DDB2: variants seen among roughly 807,000 people sequenced by gnomAD.
DDB2 encodes DNA damage-binding protein 2.
DDB2 carries 27 observed loss-of-function variants against 50.5 expected under a neutral mutation model. The ratio of observed to expected loss-of-function variants is 0.53; its 90% CI spans 0.39 to 0.74. DDB2 has a LOEUF of 0.74. DDB2 is among the 30% of genes least tolerant of loss of function. The probability of loss-of-function intolerance (pLI) is 0.00; values close to 1 mark genes in which losing one functional copy is unlikely to be tolerated. For synonymous variants in DDB2, 176 were observed against 205.5 expected (o/e 0.86, Z 1.23); for missense variants, 424 against 545.6 (o/e 0.78, Z 2.22).
At chr11:47,216,296 G>A (rs1465994999) in intron 1 of DDB2, 40 bp from the exon 2 acceptor site, 4 of 1,614,086 alleles carry the variant, frequency 2.5e-6, no homozygotes, top group Non-Finnish European at 3.4e-6. Flanking sequence ...AAAACCTTTC[G>A]TGAGATTGGA....
chr11:47,216,609 C>T (rs895786891), intron 2 of DDB2, 137 bp downstream of exon 2: 28 of 1,321,818 alleles, frequency 2.1e-5, no homozygotes, highest in Non-Finnish European at 2.9e-5. Context: ...GACTGGCCTA[C>T]TGGGCACTCA....
intron 3 of DDB2, 49 bp from the exon 4 acceptor site, chr11:47,232,765 C>G: frequency 6.2e-7 from 1 of 1,607,146 alleles, no homozygotes. Context: ...CCTGGTTCCT[C>G]ACGGCCAGGC....
Position 47,216,887 on chromosome 11 carries a change from G to A in DDB2, c.294G>A (p.Leu98=). 6.2e-7 allele frequency: 1 copy of A among 1,614,038 alleles called. No homozygotes were observed. The highest frequency in any genetic ancestry group is 8.5e-7 in the Non-Finnish European group (1 of 1,180,002). Residue 98 remains leucine (L), a synonymous_variant, in exon 3 of 10, where the codon CTG becomes CTA. Transcript: ENST00000256996. ...TCCAGCAGTCCTTTTTGCACACTCT[G>A]GATTCTTACCGGATATTACAAAAGG... ...QGLQQSFLHT[L]DSYRILQKAA... is the part of the protein sequence containing the mutation.
intron 3 of DDB2, chr11:47,221,540 GT>G (rs921398871): frequency 2.0e-5 from 3 of 152,242 alleles, no homozygotes; most frequent in African/African-American, 7.2e-5. Context: ...TGCCTCCTGA[GT>G]TGAAATGATT....
chr11:47,231,119 C>CAAAAAAAAAAAAAAAA (rs139290057), intron 3 of DDB2, among the ~76,000 whole-genome samples: 3 of 58,370 alleles, frequency 5.1e-5, no homozygotes, highest in African/African-American at 1.3e-4. Flanking sequence ...GCCTTCATCT[C>CAAAAAAAAAAAAAAAA]AAAAAAAAAA....
intron 1 of DDB2, 109 bp from the exon 2 acceptor site, chr11:47,216,227 T>C (rs757073569): frequency 3.3e-6 from 5 of 1,533,186 alleles, no homozygotes; most frequent in Non-Finnish European, 4.5e-6. Flanking sequence ...CAGGAGGTGA[T>C]GAGACAGAGA....
upstream of DDB2, chr11:47,214,921 C>A: frequency 1.5e-6 from 1 of 647,572 alleles, no homozygotes; most frequent in Non-Finnish European, 2.6e-6. Flanking sequence ...CGCGCCCCCG[C>A]CTTCCAGGAA....
intron 3 of DDB2, among the ~76,000 whole-genome samples, chr11:47,228,792 C>T (rs1953598006): frequency 6.6e-6 from 1 of 151,630 alleles, no homozygotes; most frequent in Non-Finnish European, 1.5e-5. Context: ...CTCCATCTCT[C>T]CTAAAAATAC....
chr11:47,227,529 A>G (rs1953578414), intron 3 of DDB2, among the ~76,000 whole-genome samples: 1 of 138,868 alleles, frequency 7.2e-6, no homozygotes, highest in Admixed American at 7.3e-5. Context: ...TTTAATTTTG[A>G]GATGGAGTTT....
chr11:47,234,618 G>A lies in DDB2; in HGVS notation c.648G>A (p.Val216=). 6.2e-7 allele frequency: 1 copy of A among 1,614,096 alleles called. No individual in the cohort carries two copies. Among genetic ancestry groups the A allele is most frequent in the Non-Finnish European group, 8.5e-7 (1 of 1,180,014 alleles). Residue 216 remains valine, a synonymous_variant, in exon 5 of 10, where the codon GTG becomes GTA. Transcript: ENST00000256996. ...SLDVSASSRM[V]VTGDNVGNVI... Reference sequence around the variant, plus strand: ...ATGTGTCTGCTAGTAGCCGAATGGTGGTCACAGGAGACAACGTGGGGAACG... The same window carrying A: ...ATGTGTCTGCTAGTAGCCGAATGGTAGTCACAGGAGACAACGTGGGGAACG...
chr11:47,232,600 C>T (rs552062744), intron 3 of DDB2, among the ~76,000 whole-genome samples: 1 of 152,294 alleles, frequency 6.6e-6, no homozygotes, highest in African/African-American at 2.4e-5. Context: ...GTTTGTGCCA[C>T]TGCACTTCAG....
Position 47,237,918 on chromosome 11 carries a change from T to G in DDB2, c.1105T>G (p.Leu369Val). ...PNFKSCTPYE[L>V]RTIDVFDGNS... ...TTTCAAAAGTTGTACCCCTTATGAA[T>G]TGAGGACGATCGACGTGTTCGATGG... Residue 369 changes from leucine (L) to valine (V), a missense_variant, in exon 8 of 10, where the codon TTG becomes GTG. Transcript: ENST00000256996. 1 of 1,614,128 alleles carries G rather than the reference T, an allele frequency of 6.2e-7. No individual in the cohort carries two copies. The highest frequency in any genetic ancestry group is 8.5e-7 in the Non-Finnish European group (1 of 1,180,024).
intron 2 of DDB2, 102 bp from the exon 3 acceptor site, chr11:47,216,756 G>A: frequency 1.6e-6 from 2 of 1,235,464 alleles, no homozygotes; most frequent in Non-Finnish European, 2.4e-6. Flanking sequence ...TCCTTTGGTG[G>A]GAGGACTTGG....
intron 3 of DDB2, among the ~76,000 whole-genome samples, chr11:47,221,111 T>C: frequency 6.6e-6 from 1 of 151,784 alleles, no homozygotes; most frequent in Non-Finnish European, 1.5e-5. Flanking sequence ...TGCAGTGAGC[T>C]GAGATGGTGC....
intron 3 of DDB2, among the ~76,000 whole-genome samples, chr11:47,224,642 G>A (rs1303558448): frequency 6.6e-6 from 1 of 152,100 alleles, no homozygotes; most frequent in Non-Finnish European, 1.5e-5. Context: ...GGTGGTTGAT[G>A]CACTGTTCAT....
intron 3 of DDB2, among the ~76,000 whole-genome samples, chr11:47,226,099 C>T (rs577936729): frequency 2.6e-5 from 4 of 152,046 alleles, no homozygotes; most frequent in Non-Finnish European, 5.9e-5. Context: ...TTTGAGACCC[C>T]GATTTCAGTT....
intron 1 of DDB2, 102 bp from the exon 2 acceptor site, chr11:47,216,234 G>C: frequency 6.4e-7 from 1 of 1,563,046 alleles, no homozygotes; most frequent in Non-Finnish European, 8.8e-7. Context: ...TGATGAGACA[G>C]AGATTAACCG....
intron 3 of DDB2, among the ~76,000 whole-genome samples, 159 bp from the exon 4 acceptor site, chr11:47,232,655 A>T (rs1050701309): frequency 2.0e-5 from 3 of 152,146 alleles, no homozygotes; most frequent in Non-Finnish European, 4.4e-5. Flanking sequence ...AAAGAAAAAG[A>T]AGTGAAGGCC....
rs753753999 is a variant in DDB2 at position 47,234,938 on chromosome 11, T to G, written c.880+4T>G. On this transcript the variant is annotated splice_donor_region_variant and intron_variant, in intron 6 of 9. Coordinates refer to ENST00000256996, the MANE Select transcript of DDB2 (RefSeq NM_000107.3). ...CACAGGCATCCTGTCAACGCAGGTG[T>G]GATATCCCAGACCTCATCTCTCCTG... 4 of 1,614,004 alleles carry G rather than the reference T, an allele frequency of 2.5e-6. No individual in the cohort carries two copies. The African/African-American group carries it at 5.3e-5, about 22-fold the overall frequency.
Sources: gnomAD v4.1 joint callset for allele counts (sites outside exome capture counted in the v4.1 genomes callset) on GRCh38, gnomAD v4.1.1 for gene constraint, MANE v1.5 for transcripts, NCBI Gene and HGNC (gene_info 2026-07-23, HGNC 2026-07-21) for gene names.